PTPRQ: variants seen among roughly 807,000 people sequenced by gnomAD.
PTPRQ encodes protein tyrosine phosphatase receptor type Q, also known as phosphatidylinositol phosphatase PTPRQ.
Under a neutral mutation model 246.0 loss-of-function variants are expected in PTPRQ, and 199 were observed. That is an observed-to-expected ratio of 0.81 (90% CI 0.72 to 0.91). The LOEUF is 0.91. PTPRQ is among the 40% of genes least tolerant of loss of function. The pLI is 0.00. For synonymous variants in PTPRQ, 869 were observed against 853.2 expected (o/e 1.02, Z -0.32); for missense variants, 2,624 against 2,528.4 (o/e 1.04, Z -0.81).
intron 3 of PTPRQ, among the ~76,000 whole-genome samples, chr12:80,450,817 A>G (rs183061206): frequency 9.8e-4 from 150 of 152,300 alleles, no homozygotes; most frequent in African/African-American, 3.6e-3. Flanking sequence ...GATGTTCATC[A>G]AGGATATTGG....
chr12:80,552,546 A>G (rs1466381006), intron 25 of PTPRQ, among the ~76,000 whole-genome samples: 1 of 150,532 alleles, frequency 6.6e-6, no homozygotes, highest in Non-Finnish European at 1.5e-5. Flanking sequence ...TGAAGCAGAA[A>G]TTCAGTTAGT....
chr12:80,585,121 T>G (rs188489904), intron 25 of PTPRQ, among the ~76,000 whole-genome samples: 1 of 152,108 alleles, frequency 6.6e-6, no homozygotes, highest in Non-Finnish European at 1.5e-5. Context: ...AGTATTTGAT[T>G]TCTCCTTCTG....
At chr12:80,480,921 T>A (rs1894024091) in intron 8 of PTPRQ, among the ~76,000 whole-genome samples, 1 of 152,154 alleles carries the variant, frequency 6.6e-6, no homozygotes, top group Admixed American at 6.6e-5. Flanking sequence ...CCGGATGGAT[T>A]CACAGCCGAA....
chr12:80,475,109 T>A (rs981465676), intron 8 of PTPRQ, among the ~76,000 whole-genome samples: 3 of 152,162 alleles, frequency 2.0e-5, no homozygotes, highest in African/African-American at 7.2e-5. Flanking sequence ...ATGCTGTTTG[T>A]CTCTATTTCA....
intron 36 of PTPRQ, among the ~76,000 whole-genome samples, chr12:80,649,222 T>C (rs1900175288): frequency 6.6e-6 from 1 of 152,146 alleles, no homozygotes; most frequent in East Asian, 1.9e-4. Context: ...ATTTTATATC[T>C]TCTAAAACCT....
At chr12:80,466,561 C>T (rs1262043238) in intron 6 of PTPRQ, among the ~76,000 whole-genome samples, 2 of 152,108 alleles carry the variant, frequency 1.3e-5, no homozygotes, top group East Asian at 3.9e-4. Context: ...CAATCCTAAG[C>T]CAAAAGAACA....
intron 3 of PTPRQ, among the ~76,000 whole-genome samples, chr12:80,452,610 C>A (rs988030743): frequency 9.9e-5 from 15 of 152,146 alleles, no homozygotes; most frequent in African/African-American, 3.4e-4. Flanking sequence ...GTTTTTATTT[C>A]TCCTTCACTT....
Position 80,496,000 on chromosome 12 carries a change from GT to G in PTPRQ, c.1886del (p.Leu629Ter). On this transcript the variant is annotated frameshift_variant and splice_region_variant, in exon 13 of 45. Coordinates refer to ENST00000644991, the MANE Select transcript of PTPRQ (RefSeq NM_001145026.2). LOFTEE classifies it high-confidence loss of function. ...TIDNSFLITG[L>X]KKYTKYKMRV... ...ACAGTTTGTCTCTTGTCCTTATAGG[GT>G]TAAAGAAATACACAAAATACAAAAT... is the stretch of plus-strand genomic sequence containing the variant. 6.5e-7 allele frequency: 1 copy of G among 1,549,288 alleles called. No homozygotes were observed. The highest frequency in any genetic ancestry group is 8.7e-7 in the Non-Finnish European group (1 of 1,145,866).
At chr12:80,499,169 T>C (rs1279625203) in intron 14 of PTPRQ, among the ~76,000 whole-genome samples, 1 of 151,940 alleles carries the variant, frequency 6.6e-6, no homozygotes, top group Non-Finnish European at 1.5e-5. Context: ...CCTCACTTAA[T>C]AGGCTCCTGA....
intron 25 of PTPRQ, among the ~76,000 whole-genome samples, chr12:80,573,732 TTAC>T (rs1897211571): frequency 6.6e-6 from 1 of 152,168 alleles, no homozygotes. Flanking sequence ...TGAATTGTGT[TTAC>T]TTTCTTTTTA....
intron 19 of PTPRQ, among the ~76,000 whole-genome samples, chr12:80,537,094 T>C (rs1275982597): frequency 6.6e-6 from 1 of 152,214 alleles, no homozygotes; most frequent in Non-Finnish European, 1.5e-5. Flanking sequence ...TTAAATAATC[T>C]TAAGAATGCT....
chr12:80,547,684 A>T (rs185377858), intron 24 of PTPRQ, among the ~76,000 whole-genome samples: 3 of 152,232 alleles, frequency 2.0e-5, no homozygotes, highest in Admixed American at 1.3e-4. Flanking sequence ...AAGGCTCATG[A>T]CTCTGTGAGC....
chr12:80,659,284 T>C (rs1900550451), intron 39 of PTPRQ, among the ~76,000 whole-genome samples: 1 of 152,176 alleles, frequency 6.6e-6, no homozygotes, highest in African/African-American at 2.4e-5. Context: ...ATGTAAACAT[T>C]TTGGTGAAAT....
Position 80,679,470 on chromosome 12 carries a change from G to A in PTPRQ, c.*447G>A, listed in dbSNP as rs1901249922. The A allele has an allele frequency of 6.5e-6, 1 of 153,800 alleles. No homozygotes were observed. Among genetic ancestry groups the A allele is most frequent in the Non-Finnish European group, 1.4e-5 (1 of 69,320 alleles). The allele number at this position is 153,800 out of a possible 1,614,324, so 9.5% of individuals were successfully genotyped here. A position where few individuals can be genotyped will look rare whatever the true frequency, so the allele number is the denominator to read the frequency against. On this transcript the variant is annotated 3_prime_UTR_variant, in exon 45 of 45. Transcript: ENST00000644991. ...ATTTCCAGGACTGTCATAATGATCT[G>A]TACTTCCATGTACACCCCTGTGTTT...
intron 17 of PTPRQ, among the ~76,000 whole-genome samples, chr12:80,533,536 C>T (rs1272029555): frequency 6.6e-6 from 1 of 151,878 alleles, no homozygotes; most frequent in Non-Finnish European, 1.5e-5. Context: ...TTACATATCA[C>T]TATTTAGATA....
chr12:80,542,345 CT>C lies in PTPRQ; in HGVS notation c.3706del (p.Tyr1236ThrfsTer8). On this transcript the variant is annotated frameshift_variant, in exon 22 of 45. Coordinates refer to ENST00000644991, the MANE Select transcript of PTPRQ (RefSeq NM_001145026.2). LOFTEE classifies it high-confidence loss of function. ...KGLGPSSILFFYTDESVPLAP... is the reference protein window; with the variant it reads ...KGLGPSSILFXYTDESVPLAP... ...GACTTGGTCCTTCCAGTATTCTTTTCTTTTACACAGATGAGTCAGGTAAGCC... is the reference window on the plus strand; with the variant it reads ...GACTTGGTCCTTCCAGTATTCTTTTCTTTACACAGATGAGTCAGGTAAGCC... 1.3e-6 allele frequency: 2 copies of C among 1,541,348 alleles called. No individual in the cohort carries two copies. Among genetic ancestry groups the C allele is most frequent in the Non-Finnish European group, 1.7e-6 (2 of 1,144,688 alleles).
intron 18 of PTPRQ, among the ~76,000 whole-genome samples, chr12:80,534,529 TA>T (rs1257400557): frequency 1.3e-5 from 2 of 152,080 alleles, no homozygotes; most frequent in African/African-American, 4.8e-5. Flanking sequence ...ATCATTTGTC[TA>T]TGACTTTTAT....
At chr12:80,659,981 G>A (rs1284107220) in intron 39 of PTPRQ, among the ~76,000 whole-genome samples, 2 of 151,934 alleles carry the variant, frequency 1.3e-5, no homozygotes, top group Non-Finnish European at 2.9e-5. Context: ...TACTGCAGTG[G>A]CCCTCACTTT....
At chr12:80,665,079 A>C (rs1303574418) in intron 39 of PTPRQ, among the ~76,000 whole-genome samples, 4 of 151,992 alleles carry the variant, frequency 2.6e-5, no homozygotes, top group African/African-American at 9.7e-5. Context: ...CAAGGAAGCC[A>C]GTCTAAGTCC....
Sources: gnomAD v4.1 joint callset for allele counts (sites outside exome capture counted in the v4.1 genomes callset) on GRCh38, gnomAD v4.1.1 for gene constraint, MANE v1.5 for transcripts, NCBI Gene and HGNC (gene_info 2026-07-23, HGNC 2026-07-21) for gene names.